Variants in IQSEC1 observed in about 807,000 individuals in gnomAD.
IQSEC1 encodes the protein IQ motif and SEC7 domain-containing protein 1.
In IQSEC1, 31 loss-of-function variants were observed where a neutral mutation model predicts 91.0. The observed-to-expected ratio is 0.34, with a 90% CI of 0.26 to 0.46. The LOEUF (loss-of-function observed/expected upper bound fraction) is 0.46, where lower values mean the gene tolerates loss of function less well. IQSEC1 is among the 20% of genes least tolerant of loss of function. The probability of loss-of-function intolerance (pLI) is 1.00; values close to 1 mark genes in which losing one functional copy is unlikely to be tolerated. For missense variants in IQSEC1, 1,388 were observed against 1,575.6 expected, an observed-to-expected ratio of 0.88 and a Z score of 2.02; for synonymous variants, 699 against 662.6, an observed-to-expected ratio of 1.05 and a Z score of -0.84.
In IQSEC1 at chr3:12,924,761, C is replaced by G. The variant is rs1315825994; in HGVS notation, c.1569-19G>C. 1.9e-6 allele frequency: 3 copies of G among 1,539,186 alleles called. No individual in the cohort carries two copies. Among genetic ancestry groups the G allele is most frequent in the Non-Finnish European group, 2.6e-6 (3 of 1,136,806 alleles). On this transcript the variant is annotated intron_variant, in intron 3 of 13. Transcript: ENST00000613206. This position sits in a 1 kb window ranked among gnomAD's most constrained non-coding sequence, Gnocchi z 6.3. ...AGGCTTCCTGGGGTAGGACGAGAGGCACACTCAGTCCCAGCTGCCCGGCCA... is the reference window on the plus strand; with the variant it reads ...AGGCTTCCTGGGGTAGGACGAGAGGGACACTCAGTCCCAGCTGCCCGGCCA...
Position 12,909,535 on chromosome 3 carries a change from G to A in IQSEC1, c.2417-101C>T, listed in dbSNP as rs541117976. ...ACAATGGTAGGGCTGAGTTGTGCGT[G>A]AGCCTGGGATAAGTGCCGGGAGTCC... On this transcript the variant is annotated intron_variant, in intron 10 of 13. Coordinates refer to ENST00000613206, the MANE Select transcript of IQSEC1 (RefSeq NM_001134382.3). The surrounding 1 kb of genome is among the most constrained non-coding windows in gnomAD (Gnocchi z 4.9). 1.5e-5 allele frequency: 19 copies of A among 1,238,916 alleles called. No homozygotes were observed. In the East Asian group the frequency reaches 3.8e-4, roughly 24 times the overall value. The allele number at this position is 1,238,916 out of a possible 1,614,324, so 76.7% of individuals were successfully genotyped here.
At chr3:13,098,444 C>T (rs1202520547) in intron 2 of IQSEC1, among the ~76,000 whole-genome samples, 1 of 152,062 alleles carries the variant, frequency 6.6e-6, no homozygotes, top group Non-Finnish European at 1.5e-5. Context: ...AAAGAAAGCA[C>T]AACCCCAGAA....
intron 1 of IQSEC1, among the ~76,000 whole-genome samples, chr3:12,975,576 T>C (rs1004154462): frequency 2.0e-5 from 3 of 152,224 alleles, no homozygotes; most frequent in Admixed American, 2.0e-4. Flanking sequence ...CCCAGGTCCA[T>C]TTGGTCCCCA....
intron 2 of IQSEC1, among the ~76,000 whole-genome samples, chr3:13,109,498 C>A (rs578050705): frequency 6.6e-6 from 1 of 152,160 alleles, no homozygotes; most frequent in Non-Finnish European, 1.5e-5. Flanking sequence ...CCACCCAAAT[C>A]TCATGTTGAA....
intron 1 of IQSEC1, among the ~76,000 whole-genome samples, chr3:13,048,465 C>T (rs186783052): frequency 3.5e-4 from 53 of 152,322 alleles, no homozygotes; most frequent in Middle Eastern, 3.4e-3. Context: ...GCACCCACAC[C>T]CCCCATCGCT....
intron 1 of IQSEC1, among the ~76,000 whole-genome samples, chr3:13,021,695 G>A (rs555600774): frequency 2.0e-5 from 3 of 152,328 alleles, no homozygotes; most frequent in South Asian, 4.1e-4. Flanking sequence ...GCCCCATTTC[G>A]CTGGTGGGTA....
At chr3:12,902,032 C>T (rs920256926) in intron 13 of IQSEC1, among the ~76,000 whole-genome samples, 14 of 151,846 alleles carry the variant, frequency 9.2e-5, no homozygotes, top group Non-Finnish European at 1.5e-4. Context: ...GAGGTGGTGA[C>T]AGGGACAGGT....
chr3:13,003,276 CAAA>C (rs56239928), intron 1 of IQSEC1, among the ~76,000 whole-genome samples: 102 of 57,098 alleles, frequency 1.8e-3, no homozygotes, highest in African/African-American at 6.2e-3. Flanking sequence ...CTGTCTCTAC[CAAA>C]AAAAAAAAAA....
chr3:12,943,342 G>A (rs1003325562), intron 1 of IQSEC1, among the ~76,000 whole-genome samples: 5 of 152,228 alleles, frequency 3.3e-5, no homozygotes, highest in African/African-American at 1.2e-4. Context: ...TCCCGACTCG[G>A]AACTCGCAAG....
rs2124975500 is a variant in IQSEC1, at chr3:12,900,974, C to T, written c.*9G>A. ...GTTTCAGGGAGCCTGGGACCCCTACCCAGGCTGTCTACACAATTGTGCTGA... is the reference window on the plus strand; with the variant it reads ...GTTTCAGGGAGCCTGGGACCCCTACTCAGGCTGTCTACACAATTGTGCTGA... On this transcript the variant is annotated 3_prime_UTR_variant, in exon 14 of 14. Coordinates refer to ENST00000613206, the MANE Select transcript of IQSEC1 (RefSeq NM_001134382.3). The T allele has an allele frequency of 1.3e-6, 2 of 1,543,144 alleles. No individual in the cohort carries two copies. The highest frequency in any genetic ancestry group is 1.7e-6 in the Non-Finnish European group (2 of 1,146,796).
In IQSEC1 at chr3:12,897,054, G is replaced by A. The variant is rs1036098113; in HGVS notation, c.*3929C>T. On this transcript the variant is annotated 3_prime_UTR_variant, in exon 14 of 14. Coordinates refer to ENST00000613206, the MANE Select transcript of IQSEC1 (RefSeq NM_001134382.3). Reference sequence around the variant, plus strand: ...TTTGAAACCTTCTATTGGTTGTGATGTGTCCCTTTATTTTAAATTTTGTAT... The same window carrying A: ...TTTGAAACCTTCTATTGGTTGTGATATGTCCCTTTATTTTAAATTTTGTAT... 2.0e-5 allele frequency among the ~76,000 whole-genome samples: 3 copies of A among 152,176 alleles called. No homozygotes were observed. The highest frequency in any genetic ancestry group is 4.4e-5 in the Non-Finnish European group (3 of 68,026).
At chr3:13,205,615 C>T (rs1461169848) in intron 1 of IQSEC1, among the ~76,000 whole-genome samples, 1 of 150,976 alleles carries the variant, frequency 6.6e-6, no homozygotes, top group Non-Finnish European at 1.5e-5. Flanking sequence ...TCCTTCCTGC[C>T]CTCCACCCAT....
At chr3:13,099,864 A>G (rs1706028328) in intron 2 of IQSEC1, among the ~76,000 whole-genome samples, 1 of 152,194 alleles carries the variant, frequency 6.6e-6, no homozygotes, top group South Asian at 2.1e-4. Flanking sequence ...AGGGCACGGC[A>G]TGTGCAAAGG....
chr3:13,188,243 C>T (rs965054618), intron 1 of IQSEC1, among the ~76,000 whole-genome samples: 3 of 152,196 alleles, frequency 2.0e-5, no homozygotes, highest in African/African-American at 7.2e-5. Context: ...TGTCTCCTGA[C>T]CATTTTCCTC....
chr3:13,074,731 A>C (rs1705534351), upstream of IQSEC1, among the ~76,000 whole-genome samples: 1 of 152,192 alleles, frequency 6.6e-6, no homozygotes, highest in Non-Finnish European at 1.5e-5. Flanking sequence ...TGAGACTGGG[A>C]ATCGGCTGGA....
intron 1 of IQSEC1, among the ~76,000 whole-genome samples, chr3:13,164,932 C>T (rs963119254): frequency 6.6e-6 from 1 of 152,186 alleles, no homozygotes; most frequent in African/African-American, 2.4e-5. Context: ...ACTTACTTAA[C>T]CCAGAGTCAG....
intron 3 of IQSEC1, among the ~76,000 whole-genome samples, chr3:12,934,252 T>G (rs1252684242): frequency 6.6e-6 from 1 of 152,228 alleles, no homozygotes. Context: ...CAAGACTCTT[T>G]GTTCTTAGCT....
At chr3:13,208,893 C>A (rs1576295880) in intron 1 of IQSEC1, among the ~76,000 whole-genome samples, 2 of 152,170 alleles carry the variant, frequency 1.3e-5, no homozygotes, top group East Asian at 3.8e-4. Context: ...GATGGGGAGG[C>A]CACGTCTGAA....
intron 2 of IQSEC1, among the ~76,000 whole-genome samples, chr3:13,135,384 C>T (rs962348487): frequency 5.3e-5 from 8 of 152,216 alleles, no homozygotes; most frequent in Admixed American, 5.2e-4. Context: ...AGGCAAGATG[C>T]CAGAAGGCTG....
Sources: allele counts gnomAD v4.1 joint callset (sites outside exome capture counted in the v4.1 genomes callset), GRCh38; gene constraint gnomAD v4.1.1; non-coding constraint Gnocchi (gnomAD v3.1); transcripts MANE v1.5; gene names NCBI Gene and HGNC (gene_info 2026-07-23, HGNC 2026-07-21).